OR11H6: variants seen among roughly 807,000 people sequenced by gnomAD.
OR11H6 encodes the protein olfactory receptor family 11 subfamily H member 6.
Under a neutral mutation model 9.2 loss-of-function variants are expected in OR11H6, and 4 were observed. The ratio of observed to expected loss-of-function variants is 0.44; its 90% CI spans 0.21 to 1.00. The LOEUF (loss-of-function observed/expected upper bound fraction) is 1.00. OR11H6 is among the 50% of genes least tolerant of loss of function. OR11H6 has a pLI of 0.26. For missense variants in OR11H6, 381 were observed against 390.9 expected, an observed-to-expected ratio of 0.97 and a Z score of 0.21; for synonymous variants, 136 against 148.9, an observed-to-expected ratio of 0.91 and a Z score of 0.63.
rs773670902 is a variant in OR11H6, at chr14:20,223,715, C to T, written c.6C>T (p.Phe2=). ...TGAGTTAGCAAAATCTCCAAATGTT[C>T]TTTATTATTCATTCTTTGGTTACTT... M[F]FIIHSLVTSV... The change falls in exon 1 of 1, where the codon TTC becomes TTT. Residue 2 remains phenylalanine (F), a synonymous_variant. Transcript: ENST00000315519. 3.8e-6 allele frequency: 6 copies of T among 1,593,850 alleles called. No homozygotes were observed. Among genetic ancestry groups the T allele is most frequent in the Middle Eastern group, 1.7e-4 (1 of 6,018 alleles).
At position 20,223,756 on chromosome 14, in the gene OR11H6, C is replaced by G; in HGVS notation, c.47C>G (p.Ala16Gly). 6.2e-7 allele frequency: 1 copy of G among 1,613,502 alleles called. No individual in the cohort carries two copies. The highest frequency in any genetic ancestry group is 1.1e-5 in the South Asian group (1 of 90,846). Residue 16 changes from alanine to glycine, a missense_variant, in exon 1 of 1, where the codon GCT (alanine) becomes GGT (glycine). Coordinates refer to ENST00000315519, the MANE Select transcript of OR11H6 (RefSeq NM_001004480.1). ...HSLVTSVFLTALGPQNRTMHF... is the reference protein window; with the variant it reads ...HSLVTSVFLTGLGPQNRTMHF... ...TTGGTTACTTCTGTTTTTCTAACAG[C>G]TTTGGGACCCCAGAACAGAACAATG...
At position 20,224,598 on chromosome 14, in the gene OR11H6, A is replaced by C; in HGVS notation, c.889A>C (p.Thr297Pro). The C allele has an allele frequency of 6.2e-7, 1 of 1,614,172 alleles. No individual in the cohort carries two copies. Among genetic ancestry groups the C allele is most frequent in the Non-Finnish European group, 8.5e-7 (1 of 1,180,000 alleles). ...GCAGAAGATCATCACTCTGGTATAC[A>C]CAGCAATGACTCCATTCTTAAATCC... ...GMQKIITLVY[T>P]AMTPFLNPLI... The change falls in exon 1 of 1, where the codon ACA (threonine) becomes CCA (proline). Residue 297 changes from threonine (T) to proline (P), a missense_variant. Physicochemically the swap from Thr to Pro is conservative, Grantham distance 38. Transcript: ENST00000315519.
chr14:20,224,454 G>A lies in OR11H6; in HGVS notation c.745G>A (p.Gly249Ser), dbSNP rs1248731460. Residue 249 changes from glycine (G) to serine (S), a missense_variant, in exon 1 of 1, where the codon GGT (glycine) becomes AGT (serine). Gly to Ser is a moderately conservative substitution (Grantham distance 56). Coordinates refer to ENST00000315519, the MANE Select transcript of OR11H6 (RefSeq NM_001004480.1). ...VIRAVLCIPS[G>S]AGRTKAFSTC... ...CAGAGCTGTGCTTTGTATTCCCTCT[G>A]GTGCTGGTCGAACTAAAGCTTTCTC... 6.2e-7 allele frequency: 1 copy of A among 1,613,848 alleles called. No individual in the cohort carries two copies. Among genetic ancestry groups the A allele is most frequent in the Non-Finnish European group, 8.5e-7 (1 of 1,179,932 alleles).
Position 20,224,587 on chromosome 14 carries a change from C to T in OR11H6, c.878C>T (p.Thr293Ile). ...CCAGCAGGAATGCAGAAGATCATCA[C>T]TCTGGTATACACAGCAATGACTCCA... ...GNPAGMQKII[T>I]LVYTAMTPFL... Residue 293 changes from threonine (T) to isoleucine (I), a missense_variant, in exon 1 of 1, where the codon ACT becomes ATT. Physicochemically the swap from Thr to Ile is moderately conservative, Grantham distance 89 (BLOSUM62 -1). Transcript: ENST00000315519. The T allele has an allele frequency of 6.2e-7, 1 of 1,614,112 alleles. No homozygotes were observed. Among genetic ancestry groups the T allele is most frequent in the Non-Finnish European group, 8.5e-7 (1 of 1,179,944 alleles).
chr14:20,224,107 T>C lies in OR11H6; in HGVS notation c.398T>C (p.Leu133Ser). The stretch of plus-strand genomic sequence containing the variant: ...CTGGGTACAACAGAGTGTTTCTTTT[T>C]ATCAGTTATGGCTTATGATCGGTAC... ...FSLGTTECFF[L>S]SVMAYDRYLA... Residue 133 changes from leucine to serine, a missense_variant, in exon 1 of 1, where the codon TTA becomes TCA. Leu to Ser is a moderately radical substitution (Grantham distance 145). Coordinates refer to ENST00000315519, the MANE Select transcript of OR11H6 (RefSeq NM_001004480.1). The C allele has an allele frequency of 1.9e-6, 3 of 1,613,980 alleles. No individual in the cohort carries two copies. The highest frequency in any genetic ancestry group is 2.2e-5 in the South Asian group (2 of 91,084).
Position 20,223,807 on chromosome 14 carries a change from T to C in OR11H6, c.98T>C (p.Leu33Pro), listed in dbSNP as rs555887602. 1.5e-5 allele frequency: 25 copies of C among 1,614,124 alleles called. 1 individual carries two copies. In the South Asian group the frequency reaches 2.4e-4, roughly 16 times the overall value. The change falls in exon 1 of 1, where the codon CTG (leucine) becomes CCG (proline). Residue 33 changes from leucine to proline, a missense_variant. Physicochemically the swap from Leu to Pro is moderately conservative, Grantham distance 98. Coordinates refer to ENST00000315519, the MANE Select transcript of OR11H6 (RefSeq NM_001004480.1). ...CATTTTGTGACTGAGTTTGTCCTCC[T>C]GGGTTTCCATGGTCAAAGGGAGATG... Reference protein sequence around the residue: ...TMHFVTEFVLLGFHGQREMQS... With the variant: ...TMHFVTEFVLPGFHGQREMQS...
chr14:20,224,041 C>G lies in OR11H6; in HGVS notation c.332C>G (p.Ser111Cys), dbSNP rs1429573711. 8 of 1,613,754 alleles carry G rather than the reference C, an allele frequency of 5.0e-6. No individual in the cohort carries two copies. Among genetic ancestry groups the G allele is most frequent in the Admixed American group, 1.7e-5 (1 of 60,026 alleles). Residue 111 changes from serine (S) to cysteine (C), a missense_variant, in exon 1 of 1, where the codon TCC becomes TGC. Physicochemically the swap from Ser to Cys is moderately radical, Grantham distance 112 (BLOSUM62 -1). Transcript: ENST00000315519. ...VNILSEIKTI[S>C]FSGCFLQFYF... is the part of the protein sequence containing the mutation. Reference sequence around the variant, plus strand: ...ATCCTCTCTGAGATTAAAACCATCTCCTTCTCTGGTTGCTTCCTGCAATTC... The same window carrying G: ...ATCCTCTCTGAGATTAAAACCATCTGCTTCTCTGGTTGCTTCCTGCAATTC...
chr14:20,223,999 C>T lies in OR11H6; in HGVS notation c.290C>T (p.Pro97Leu), dbSNP rs914904643. ...LEIWYISSTV[P>L]NMLVNILSEI... is the part of the protein sequence containing the mutation. ...ATCTGGTACATTTCCTCCACTGTCC[C>T]AAACATGCTAGTCAATATCCTCTCT... The change falls in exon 1 of 1, where the codon CCA becomes CTA. Residue 97 changes from proline to leucine, a missense_variant. Physicochemically the swap from Pro to Leu is moderately conservative, Grantham distance 98. Coordinates refer to ENST00000315519, the MANE Select transcript of OR11H6 (RefSeq NM_001004480.1). 22 of 1,614,010 alleles carry T rather than the reference C, an allele frequency of 1.4e-5. No homozygotes were observed. The highest frequency in any genetic ancestry group is 1.8e-5 in the Non-Finnish European group (21 of 1,179,998).
chr14:20,223,939 T>A lies in OR11H6; in HGVS notation c.230T>A (p.Met77Lys), dbSNP rs145052055. The A allele has an allele frequency of 1.2e-4, 200 of 1,614,148 alleles. 1 individual carries two copies. The African/African-American group carries it at 2.3e-3, about 19-fold the overall frequency. Residue 77 changes from methionine (M) to lysine (K), a missense_variant, in exon 1 of 1, where the codon ATG (methionine) becomes AAG (lysine). Met to Lys is a moderately conservative substitution (Grantham distance 95). Coordinates refer to ENST00000315519, the MANE Select transcript of OR11H6 (RefSeq NM_001004480.1). The part of the protein sequence containing the change: ...VKLDRRLHTP[M>K]YILLGNFAFL... ...TTGGACAGGCGGCTCCACACACCCA[T>A]GTACATCCTTCTGGGAAACTTTGCC... is the stretch of plus-strand genomic sequence containing the variant.
In OR11H6 at chr14:20,223,831, T is replaced by A. The variant is rs1417652251; in HGVS notation, c.122T>A (p.Met41Lys). The A allele has an allele frequency of 6.2e-7, 1 of 1,613,988 alleles. No homozygotes were observed. Among genetic ancestry groups the A allele is most frequent in the East Asian group, 2.2e-5 (1 of 44,880 alleles). ...CTGGGTTTCCATGGTCAAAGGGAGA[T>A]GCAGAGCTGCTTCTTCTCATTCATC... ...VLLGFHGQRE[M>K]QSCFFSFILV... Residue 41 changes from methionine to lysine, a missense_variant, in exon 1 of 1, where the codon ATG becomes AAG. Coordinates refer to ENST00000315519, the MANE Select transcript of OR11H6 (RefSeq NM_001004480.1).
In OR11H6 at chr14:20,224,124, G is replaced by A; in HGVS notation, c.415G>A (p.Asp139Asn). Residue 139 changes from aspartate (D) to asparagine (N), a missense_variant, in exon 1 of 1, where the codon GAT (aspartate) becomes AAT (asparagine). Coordinates refer to ENST00000315519, the MANE Select transcript of OR11H6 (RefSeq NM_001004480.1). ...TTTCTTTTTATCAGTTATGGCTTATGATCGGTACCTGGCCATCTGTCGTCC... is the reference window on the plus strand; with the variant it reads ...TTTCTTTTTATCAGTTATGGCTTATAATCGGTACCTGGCCATCTGTCGTCC... ...ECFFLSVMAY[D>N]RYLAICRPLH... 6.2e-7 allele frequency: 1 copy of A among 1,613,776 alleles called. No homozygotes were observed. The highest frequency in any genetic ancestry group is 2.2e-5 in the East Asian group (1 of 44,884).
Position 20,224,446 on chromosome 14 carries a change from T to A in OR11H6, c.737T>A (p.Ile246Asn). 1 of 1,614,082 alleles carries A rather than the reference T, an allele frequency of 6.2e-7. No individual in the cohort carries two copies. Among genetic ancestry groups the A allele is most frequent in the Non-Finnish European group, 8.5e-7 (1 of 1,179,942 alleles). Residue 246 changes from isoleucine (I) to asparagine (N), a missense_variant, in exon 1 of 1, where the codon ATT becomes AAT. By Grantham distance (149) the Ile-to-Asn change is moderately radical. Coordinates refer to ENST00000315519, the MANE Select transcript of OR11H6 (RefSeq NM_001004480.1). ...CTGGTCATCAGAGCTGTGCTTTGTA[T>A]TCCCTCTGGTGCTGGTCGAACTAAA... is the stretch of plus-strand genomic sequence containing the variant. ...YTLVIRAVLCIPSGAGRTKAF... is the reference protein window; with the variant it reads ...YTLVIRAVLCNPSGAGRTKAF...
At position 20,224,208 on chromosome 14, in the gene OR11H6, T is replaced by C; in HGVS notation, c.499T>C (p.Trp167Arg). 6.2e-7 allele frequency: 1 copy of C among 1,614,166 alleles called. No homozygotes were observed. ...KFCIILVCVC[W>R]VGGFLCYPVP... ...CTGTATAATTCTGGTCTGTGTATGC[T>C]GGGTAGGCGGATTTCTCTGCTATCC... Residue 167 changes from tryptophan to arginine, a missense_variant, in exon 1 of 1, where the codon TGG becomes CGG. By Grantham distance (101) the Trp-to-Arg change is moderately radical. Transcript: ENST00000315519.
chr14:20,223,893 G>C lies in OR11H6; in HGVS notation c.184G>C (p.Ala62Pro). 1 of 1,614,166 alleles carries C rather than the reference G, an allele frequency of 6.2e-7. No individual in the cohort carries two copies. The highest frequency in any genetic ancestry group is 8.5e-7 in the Non-Finnish European group (1 of 1,180,032). ...TCTCCTGACACTGCTAGGGAATGGA[G>C]CTATTGTCTGTGCAGTGAAATTGGA... ...LYLLTLLGNGAIVCAVKLDRR... is the reference protein window; with the variant it reads ...LYLLTLLGNGPIVCAVKLDRR... Residue 62 changes from alanine (A) to proline (P), a missense_variant, in exon 1 of 1, where the codon GCT becomes CCT. Ala to Pro is a conservative substitution (Grantham distance 27, BLOSUM62 -1). Coordinates refer to ENST00000315519, the MANE Select transcript of OR11H6 (RefSeq NM_001004480.1).
At position 20,224,404 on chromosome 14, in the gene OR11H6, TC is replaced by T. The variant is rs766358108; in HGVS notation, c.696del (p.Leu233TrpfsTer31). The T allele has an allele frequency of 1.1e-4, 173 of 1,613,862 alleles. No homozygotes were observed. The highest frequency in any genetic ancestry group is 1.4e-4 in the Non-Finnish European group (161 of 1,179,840). On this transcript the variant is annotated frameshift_variant, in exon 1 of 1. Coordinates refer to ENST00000315519, the MANE Select transcript of OR11H6 (RefSeq NM_001004480.1). LOFTEE classifies it high-confidence loss of function. ...SMIIFGPFLS[I>X]LGSYTLVIRA... ...ATTATCTTTGGGCCCTTCCTCTCCA[TC>T]TTGGGATCTTACACTCTGGTCATCA... is the stretch of plus-strand genomic sequence containing the variant.
In OR11H6 at chr14:20,224,312, A is replaced by C; in HGVS notation, c.603A>C (p.Pro201=). 6.2e-7 allele frequency: 1 copy of C among 1,613,818 alleles called. No individual in the cohort carries two copies. The highest frequency in any genetic ancestry group is 8.5e-7 in the Non-Finnish European group (1 of 1,179,814). Residue 201 remains proline, a synonymous_variant, in exon 1 of 1, where the codon CCA becomes CCC. Coordinates refer to ENST00000315519, the MANE Select transcript of OR11H6 (RefSeq NM_001004480.1). The part of the protein sequence containing the change: ...IIDHLVCDPG[P]LFALACISAP... Reference sequence around the variant, plus strand: ...ACCACTTGGTGTGTGACCCAGGCCCATTGTTTGCACTGGCCTGCATCTCTG... The same window carrying C: ...ACCACTTGGTGTGTGACCCAGGCCCCTTGTTTGCACTGGCCTGCATCTCTG...
Position 20,224,005 on chromosome 14 carries a change from T to A in OR11H6, c.296T>A (p.Met99Lys). The stretch of plus-strand genomic sequence containing the variant: ...TACATTTCCTCCACTGTCCCAAACA[T>A]GCTAGTCAATATCCTCTCTGAGATT... ...IWYISSTVPNMLVNILSEIKT... is the reference protein window; with the variant it reads ...IWYISSTVPNKLVNILSEIKT... Residue 99 changes from methionine to lysine, a missense_variant, in exon 1 of 1, where the codon ATG becomes AAG. By Grantham distance (95) the Met-to-Lys change is moderately conservative. Transcript: ENST00000315519. 1 of 1,614,184 alleles carries A rather than the reference T, an allele frequency of 6.2e-7. No individual in the cohort carries two copies. Among genetic ancestry groups the A allele is most frequent in the Non-Finnish European group, 8.5e-7 (1 of 1,180,004 alleles).
chr14:20,224,463 C>T lies in OR11H6; in HGVS notation c.754C>T (p.Arg252Ter), dbSNP rs774963580. 7.4e-6 allele frequency: 12 copies of T among 1,613,896 alleles called. No individual in the cohort carries two copies. Among genetic ancestry groups the T allele is most frequent in the African/African-American group, 1.3e-5 (1 of 74,914 alleles). The change falls in exon 1 of 1, where the codon CGA becomes TGA. Residue 252 changes from arginine to a stop codon, truncating the protein, a stop_gained. Coordinates refer to ENST00000315519, the MANE Select transcript of OR11H6 (RefSeq NM_001004480.1). LOFTEE classifies it high-confidence loss of function. The stretch of plus-strand genomic sequence containing the variant: ...GCTTTGTATTCCCTCTGGTGCTGGT[C>T]GAACTAAAGCTTTCTCCACATGTGG... The part of the protein sequence containing the change: ...AVLCIPSGAG[R>*]TKAFSTCGSH...
rs752927442 is a variant in OR11H6 at position 20,224,131 on chromosome 14, A to T, written c.422A>T (p.Tyr141Phe). 25 of 1,613,758 alleles carry T rather than the reference A, an allele frequency of 1.5e-5. No homozygotes were observed. Among genetic ancestry groups the T allele is most frequent in the Non-Finnish European group, 1.9e-5 (22 of 1,179,828 alleles). Reference protein sequence around the residue: ...FFLSVMAYDRYLAICRPLHYP... With the variant: ...FFLSVMAYDRFLAICRPLHYP... ...TTATCAGTTATGGCTTATGATCGGT[A>T]CCTGGCCATCTGTCGTCCATTACAC... Residue 141 changes from tyrosine (Y) to phenylalanine (F), a missense_variant, in exon 1 of 1, where the codon TAC becomes TTC. Transcript: ENST00000315519.
Sources: gnomAD v4.1 joint callset for allele counts on GRCh38, gnomAD v4.1.1 for gene constraint, MANE v1.5 for transcripts, NCBI Gene and HGNC (gene_info 2026-07-23, HGNC 2026-07-21) for gene names.